Variants in PTPRM observed in about 807,000 individuals in gnomAD.
PTPRM encodes receptor-type tyrosine-protein phosphatase mu.
PTPRM carries 47 observed loss-of-function variants against 186.7 expected under a neutral mutation model. That is an observed-to-expected ratio of 0.25 (90% CI 0.20 to 0.32). PTPRM has a LOEUF of 0.32. Ranked by LOEUF, PTPRM falls within the 10% of genes least tolerant of loss-of-function variation. The probability of loss-of-function intolerance (pLI) is 1.00; values close to 1 mark genes in which losing one functional copy is unlikely to be tolerated. For synonymous variants in PTPRM, 668 were observed against 674.9 expected, an observed-to-expected ratio of 0.99 and a Z score of 0.16; for missense variants, 1,494 against 1,865.0, an observed-to-expected ratio of 0.80 and a Z score of 3.66.
In PTPRM at chr18:8,083,333, A is replaced by G. The variant is rs185876694; in HGVS notation, c.1552-2338A>G. 2.2e-4 allele frequency among the ~76,000 whole-genome samples: 34 copies of G among 152,286 alleles called. No individual in the cohort carries two copies. In the East Asian group the frequency reaches 3.7e-3, roughly 16 times the overall value. ...GTCCTACCCACTTCTCAAGCCCCCA[A>G]GGAACCACACCGACCTCCTTTCTGT... is the stretch of plus-strand genomic sequence containing the variant. On this transcript the variant is annotated intron_variant, in intron 9 of 32. Coordinates refer to ENST00000580170, the MANE Select transcript of PTPRM (RefSeq NM_001105244.2).
intron 1 of PTPRM, among the ~76,000 whole-genome samples, chr18:7,591,776 A>C (rs2037132545): frequency 6.6e-6 from 1 of 152,342 alleles, no homozygotes; most frequent in Non-Finnish European, 1.5e-5. Flanking sequence ...TGAAAACGAA[A>C]GATAATAAAT....
chr18:7,785,425 AGT>A (rs747249090), intron 2 of PTPRM, among the ~76,000 whole-genome samples: 18 of 151,796 alleles, frequency 1.2e-4, no homozygotes, highest in Non-Finnish European at 2.6e-4. Context: ...TGCAGAAAAA[AGT>A]GTGTGTGTAT....
intron 5 of PTPRM, among the ~76,000 whole-genome samples, chr18:7,944,981 C>A (rs750856626): frequency 1.8e-4 from 28 of 152,076 alleles, no homozygotes; most frequent in Admixed American, 1.0e-3. Flanking sequence ...GAGGTGGGGC[C>A]TTTAAGAGGT....
intron 7 of PTPRM, among the ~76,000 whole-genome samples, chr18:7,973,582 A>G (rs2054721978): frequency 6.6e-6 from 1 of 152,074 alleles, no homozygotes; most frequent in Admixed American, 6.5e-5. Flanking sequence ...GATACTTTCT[A>G]TAGTAGGGTT....
At chr18:8,125,656 G>C (rs1056279392) in intron 13 of PTPRM, among the ~76,000 whole-genome samples, 1 of 151,934 alleles carries the variant, frequency 6.6e-6, no homozygotes, top group African/African-American at 2.4e-5. Context: ...TTAGGAGATA[G>C]TAAAGGGGAG....
At chr18:7,922,960 A>G (rs907558810) in intron 4 of PTPRM, among the ~76,000 whole-genome samples, 2 of 152,050 alleles carry the variant, frequency 1.3e-5, no homozygotes, top group Admixed American at 6.6e-5. Flanking sequence ...GCACCCGCTA[A>G]TTTTTTGTTG....
At chr18:7,966,285 C>G (rs2054045872) in intron 7 of PTPRM, among the ~76,000 whole-genome samples, 1 of 152,144 alleles carries the variant, frequency 6.6e-6, no homozygotes, top group Non-Finnish European at 1.5e-5. Flanking sequence ...AATTGCTGAT[C>G]CTCCATCCAT....
intron 17 of PTPRM, among the ~76,000 whole-genome samples, chr18:8,249,991 A>G (rs2094512858): frequency 6.6e-6 from 1 of 152,196 alleles, no homozygotes; most frequent in Non-Finnish European, 1.5e-5. Flanking sequence ...TGGTGAGGTT[A>G]GCACTTGAAA....
rs1476053711 is a variant in PTPRM at position 7,782,764 on chromosome 18, C to T, written c.196+8493C>T. ...TTCAGTTTTTCTATACAAAAACTTT[C>T]AGAGATTAAAGCAGTCATTCTTTAA... On this transcript the variant is annotated intron_variant, in intron 2 of 32. Coordinates refer to ENST00000580170, the MANE Select transcript of PTPRM (RefSeq NM_001105244.2). Among the ~76,000 whole-genome samples the T allele has an allele frequency of 2.0e-5, 3 of 152,278 alleles. No homozygotes were observed. In the South Asian group the frequency reaches 6.2e-4, roughly 32 times the overall value.
chr18:7,867,390 C>T (rs1398319907), intron 2 of PTPRM, among the ~76,000 whole-genome samples: 1 of 152,122 alleles, frequency 6.6e-6, no homozygotes, highest in East Asian at 1.9e-4. Context: ...TATTGCAGGC[C>T]TGGTGGTAAC....
At chr18:7,607,798 C>T (rs1054267573) in intron 1 of PTPRM, among the ~76,000 whole-genome samples, 3 of 152,238 alleles carry the variant, frequency 2.0e-5, no homozygotes, top group East Asian at 1.9e-4. Flanking sequence ...CTGCCTTCCT[C>T]GGAGCACTGC....
intron 2 of PTPRM, among the ~76,000 whole-genome samples, chr18:7,849,450 T>G (rs2046760149): frequency 6.6e-6 from 1 of 152,140 alleles, no homozygotes; most frequent in Non-Finnish European, 1.5e-5. Context: ...AGCTGGAAAA[T>G]TCAGATGAAA....
chr18:7,884,618 C>T (rs779051873), intron 2 of PTPRM, among the ~76,000 whole-genome samples: 9 of 152,220 alleles, frequency 5.9e-5, no homozygotes, highest in Middle Eastern at 3.4e-3. Context: ...CACAAAATCA[C>T]ATGCTGAAAA....
chr18:7,665,799 A>G (rs918230282), intron 1 of PTPRM, among the ~76,000 whole-genome samples: 1 of 151,940 alleles, frequency 6.6e-6, no homozygotes, highest in African/African-American at 2.4e-5. Flanking sequence ...GTGCATGCCT[A>G]TAGTCTCAGA....
intron 2 of PTPRM, among the ~76,000 whole-genome samples, chr18:7,783,256 G>A (rs1244128701): frequency 6.6e-6 from 1 of 152,166 alleles, no homozygotes; most frequent in Non-Finnish European, 1.5e-5. Context: ...TATCCACCGA[G>A]GATTCACTCA....
chr18:7,709,125 C>A (rs929276953), intron 1 of PTPRM, among the ~76,000 whole-genome samples: 6 of 152,064 alleles, frequency 3.9e-5, no homozygotes, highest in African/African-American at 1.2e-4. Context: ...TTCATCAGCA[C>A]GTGGAACATT....
chr18:7,815,270 G>T (rs1334457949), intron 2 of PTPRM: 1 of 152,158 alleles, frequency 6.6e-6, no homozygotes, highest in Non-Finnish European at 1.5e-5. Context: ...TTAGGAGATG[G>T]ATTTGAGACT....
intron 4 of PTPRM, among the ~76,000 whole-genome samples, chr18:7,909,032 T>A (rs2050134264): frequency 6.6e-6 from 1 of 152,194 alleles, no homozygotes; most frequent in Non-Finnish European, 1.5e-5. Context: ...GCAAGGCAGA[T>A]GTACTGGGTG....
At chr18:7,777,301 T>G (rs1415346326) in intron 2 of PTPRM, among the ~76,000 whole-genome samples, 2 of 152,170 alleles carry the variant, frequency 1.3e-5, no homozygotes, top group African/African-American at 2.4e-5. Context: ...GTGTGGCTTG[T>G]GAGCTAAGAG....
Sources: gnomAD v4.1 joint callset for allele counts (sites outside exome capture counted in the v4.1 genomes callset) on GRCh38, gnomAD v4.1.1 for gene constraint, MANE v1.5 for transcripts, NCBI Gene and HGNC (gene_info 2026-07-23, HGNC 2026-07-21) for gene names.